CSNK2A2: variants seen among roughly 807,000 people sequenced by gnomAD.
The protein encoded by CSNK2A2 is casein kinase II subunit alpha'.
In CSNK2A2, 8 loss-of-function variants were observed where a neutral mutation model predicts 54.0. That is an observed-to-expected ratio of 0.15 (90% CI 0.09 to 0.27). CSNK2A2 has a LOEUF of 0.27. Ranked by LOEUF, CSNK2A2 falls within the 10% of genes least tolerant of loss-of-function variation. The pLI, the probability that CSNK2A2 is intolerant of heterozygous loss-of-function variation, is 1.00. For synonymous variants in CSNK2A2, 141 were observed against 153.9 expected (o/e 0.92, Z 0.62); for missense variants, 242 against 439.4 (o/e 0.55, Z 4.02).
intron 4 of CSNK2A2, among the ~76,000 whole-genome samples, chr16:58,183,453 T>C (rs1962115259): frequency 6.6e-6 from 1 of 152,096 alleles, no homozygotes; most frequent in Admixed American, 6.6e-5. Flanking sequence ...CCAACATCTT[T>C]TAACTGCTGA....
At chr16:58,193,257 G>C (rs1962358751) in intron 2 of CSNK2A2, among the ~76,000 whole-genome samples, 1 of 152,132 alleles carries the variant, frequency 6.6e-6, no homozygotes. Flanking sequence ...ATAATATAAA[G>C]ATCACCAGCT....
chr16:58,193,463 A>G lies in CSNK2A2; in HGVS notation c.216+3270T>C, dbSNP rs146645340. 2.0e-3 allele frequency among the ~76,000 whole-genome samples: 309 copies of G among 152,370 alleles called. 1 individual carries two copies. Among genetic ancestry groups the G allele is most frequent in the Admixed American group, 0.018 (280 of 15,314 alleles). ...AATGGATAGTCAATCTGTTTATAAA[A>G]TAAGACCTCTAAGAGGAAGCCTTAT... On this transcript the variant is annotated intron_variant, in intron 2 of 11. Coordinates refer to ENST00000262506, the MANE Select transcript of CSNK2A2 (RefSeq NM_001896.4).
chr16:58,183,813 G>T (rs1464884943), intron 4 of CSNK2A2, among the ~76,000 whole-genome samples: 1 of 152,100 alleles, frequency 6.6e-6, no homozygotes, highest in Non-Finnish European at 1.5e-5. Context: ...TGGTTTTTCT[G>T]AATCATTTCT....
chr16:58,184,329 AT>A lies in CSNK2A2; in HGVS notation c.319-20del. On this transcript the variant is annotated intron_variant, in intron 3 of 11. Coordinates refer to ENST00000262506, the MANE Select transcript of CSNK2A2 (RefSeq NM_001896.4). ...TCTTTGACTGTAAAAGAGAATATTAATGCTTTTTAAGTACCCAAACAATAAT... is the reference window on the plus strand; with the variant it reads ...TCTTTGACTGTAAAAGAGAATATTAAGCTTTTTAAGTACCCAAACAATAAT... 6.4e-7 allele frequency: 1 copy of A among 1,552,338 alleles called. No individual in the cohort carries two copies. The highest frequency in any genetic ancestry group is 8.9e-7 in the Non-Finnish European group (1 of 1,129,908).
At chr16:58,190,405 T>G (rs1453509270) in intron 2 of CSNK2A2, among the ~76,000 whole-genome samples, 3 of 152,088 alleles carry the variant, frequency 2.0e-5, no homozygotes, top group African/African-American at 7.2e-5. Flanking sequence ...TCACCTGCAA[T>G]GAACAATGGT....
chr16:58,163,328 C>T (rs1241566811), intron 11 of CSNK2A2: 3 of 114,676 alleles, frequency 2.6e-5, no homozygotes, highest in Non-Finnish European at 5.6e-5. Flanking sequence ...GGGAAATCAA[C>T]AAAGGTTATA....
chr16:58,171,979 A>ATATATATATATATATATTTT (rs1261137669), intron 5 of CSNK2A2, among the ~76,000 whole-genome samples: 2 of 66,182 alleles, frequency 3.0e-5, no homozygotes, highest in African/African-American at 8.4e-5. Flanking sequence ...ATATATATAT[A>ATATATATATATATATATTTT]TTTTTTTTTT....
intron 5 of CSNK2A2, among the ~76,000 whole-genome samples, chr16:58,169,197 A>AGGCCACTGTG (rs1961661712): frequency 6.6e-6 from 1 of 151,630 alleles, no homozygotes; most frequent in African/African-American, 2.4e-5. Context: ...AGGTACTGGG[A>AGGCCACTGTG]TTACAGGTGT....
At chr16:58,168,276 C>T (rs547836751) in intron 6 of CSNK2A2, among the ~76,000 whole-genome samples, 1 of 152,162 alleles carries the variant, frequency 6.6e-6, no homozygotes, top group South Asian at 2.1e-4. Context: ...AGGAGGGACC[C>T]AAGTGTTCTT....
At chr16:58,165,472 A>C in intron 10 of CSNK2A2, 88 bp downstream of exon 10, 2 of 1,358,090 alleles carry the variant, frequency 1.5e-6, no homozygotes, top group Admixed American at 5.1e-5. Context: ...AATACCCTAG[A>C]ATTCTCCTGA....
At position 58,196,770 on chromosome 16, in the gene CSNK2A2, A is replaced by G. The variant is rs757751451; in HGVS notation, c.179T>C (p.Ile60Thr). Residue 60 changes from isoleucine to threonine, a missense_variant, in exon 2 of 12, where the codon ATC (isoleucine) becomes ACC (threonine). Physicochemically the swap from Ile to Thr is moderately conservative, Grantham distance 89. Around this residue, in one of 5 missense-constraint regions of CSNK2A2, gnomAD observed 69 missense variants for 97.0 expected, o/e 0.71. Coordinates refer to ENST00000262506, the MANE Select transcript of CSNK2A2 (RefSeq NM_001896.4). ...TACAACCACTCTCTCATTGTTGGTG[A>G]TATTAATGGCCTCAAATACTTCACT... ...KYSEVFEAINITNNERVVVKI... is the reference protein window; with the variant it reads ...KYSEVFEAINTTNNERVVVKI... The G allele has an allele frequency of 6.2e-7, 1 of 1,613,950 alleles. No individual in the cohort carries two copies. Among genetic ancestry groups the G allele is most frequent in the South Asian group, 1.1e-5 (1 of 91,074 alleles).
intron 4 of CSNK2A2, among the ~76,000 whole-genome samples, chr16:58,175,896 C>T (rs1033560969): frequency 6.6e-6 from 1 of 152,194 alleles, no homozygotes; most frequent in African/African-American, 2.4e-5. Flanking sequence ...GCCCTGGCTA[C>T]AGCTGACCCC....
chr16:58,188,322 C>T (rs1395031296), intron 2 of CSNK2A2, among the ~76,000 whole-genome samples: 5 of 152,230 alleles, frequency 3.3e-5, no homozygotes, highest in African/African-American at 1.2e-4. Context: ...TCCCCGACTC[C>T]ACTTAGAAAC....
Position 58,158,169 on chromosome 16 carries a change from C to G in CSNK2A2, c.*202G>C, listed in dbSNP as rs1437727523. On this transcript the variant is annotated 3_prime_UTR_variant, in exon 12 of 12. Transcript: ENST00000262506. ...CAACAGGAAGCCAAAGGCAAGTGAG[C>G]CTTTTACATTCGGAAGTGAGGTTTG... is the stretch of plus-strand genomic sequence containing the variant. The G allele has an allele frequency of 6.6e-6, 1 of 152,622 alleles. No homozygotes were observed. The highest frequency in any genetic ancestry group is 1.5e-5 in the Non-Finnish European group (1 of 68,066). The allele number at this position is 152,622 out of a possible 1,614,324, so 9.5% of individuals were successfully genotyped here. A position where few individuals can be genotyped will look rare whatever the true frequency, so the allele number is the denominator to read the frequency against.
At chr16:58,170,382 A>G (rs768522812) in intron 5 of CSNK2A2, among the ~76,000 whole-genome samples, 3 of 151,976 alleles carry the variant, frequency 2.0e-5, no homozygotes, top group Non-Finnish European at 2.9e-5. Flanking sequence ...CCTTCAGTAT[A>G]CTGTTTCTGA....
intron 4 of CSNK2A2, among the ~76,000 whole-genome samples, chr16:58,183,927 C>T (rs906296767): frequency 3.3e-5 from 5 of 151,836 alleles, no homozygotes; most frequent in Non-Finnish European, 7.3e-5. Flanking sequence ...CCCTTCCTCT[C>T]GGCAAAGTAA....
At position 58,197,793 on chromosome 16, in the gene CSNK2A2, G is replaced by A. The variant is rs1232756044; in HGVS notation, c.-57C>T. 5 of 411,176 alleles carry A rather than the reference G, an allele frequency of 1.2e-5. No individual in the cohort carries two copies. The highest frequency in any genetic ancestry group is 9.1e-5 in the African/African-American group (4 of 43,870). 25.5% of individuals were successfully genotyped at this position (411,176 alleles called of 1,614,324 possible). A position where few individuals can be genotyped will look rare whatever the true frequency, so the allele number is the denominator to read the frequency against. Reference sequence around the variant, plus strand: ...CAGAGGGTGGCGGCGGCGGCGCGGCGGGGGACGCGGGGCGTCGGGCGGAGG... The same window carrying A: ...CAGAGGGTGGCGGCGGCGGCGCGGCAGGGGACGCGGGGCGTCGGGCGGAGG... On this transcript the variant is annotated 5_prime_UTR_variant, in exon 1 of 12. Transcript: ENST00000262506. This position sits in a 1 kb window ranked among gnomAD's most constrained non-coding sequence, Gnocchi z 4.0.
chr16:58,169,476 G>C (rs1961673694), intron 5 of CSNK2A2, among the ~76,000 whole-genome samples: 1 of 152,066 alleles, frequency 6.6e-6, no homozygotes, highest in South Asian at 2.1e-4. Context: ...GCTGCAGTGA[G>C]CTGAGATGGT....
At chr16:58,163,007 CTGA>C (rs985902193) in intron 11 of CSNK2A2, 2 of 152,206 alleles carry the variant, frequency 1.3e-5, no homozygotes, top group Non-Finnish European at 2.9e-5. Flanking sequence ...GCATATTACC[CTGA>C]TTACAGTGGG....
Sources: allele counts gnomAD v4.1 joint callset (sites outside exome capture counted in the v4.1 genomes callset), GRCh38; gene constraint gnomAD v4.1.1; regional missense constraint gnomAD v4.1.1; non-coding constraint Gnocchi (gnomAD v3.1); transcripts MANE v1.5; gene names NCBI Gene and HGNC (gene_info 2026-07-23, HGNC 2026-07-21).